Variants in DYM observed in about 807,000 individuals in gnomAD.
The protein encoded by DYM is dymeclin.
DYM carries 78 observed loss-of-function variants against 93.1 expected under a neutral mutation model. The observed-to-expected ratio is 0.84, with a 90% CI of 0.70 to 1.01. The LOEUF is 1.01. Among genes scored for constraint, DYM ranks in the 50% least tolerant of loss-of-function variants. The pLI is 0.00. For synonymous variants in DYM, 321 were observed against 319.7 expected (o/e 1.00, Z -0.04); for missense variants, 789 against 845.0 (o/e 0.93, Z 0.82).
intron 14 of DYM, chr18:49,206,441 CTCTA>C (rs2092509251): frequency 6.6e-6 from 1 of 152,176 alleles, no homozygotes; most frequent in South Asian, 2.1e-4. Context: ...TGGTTTGTCT[CTCTA>C]TATAATGTAG....
intron 8 of DYM, among the ~76,000 whole-genome samples, chr18:49,315,042 C>T (rs1206783555): frequency 6.6e-6 from 1 of 152,054 alleles, no homozygotes; most frequent in Admixed American, 6.5e-5. Context: ...TGGCAAAACC[C>T]AGTCTCTACA....
At chr18:49,054,520 G>A (rs2075304590) in intron 17 of DYM, among the ~76,000 whole-genome samples, 1 of 152,230 alleles carries the variant, frequency 6.6e-6, no homozygotes, top group African/African-American at 2.4e-5. Flanking sequence ...AGGAATTACA[G>A]GCGTGAGCCA....
At position 49,044,126 on chromosome 18, in the gene DYM, C is replaced by T. The variant is rs2071152944; in HGVS notation, c.2104G>A (p.Val702Ile). ...TACAGGCCGACTGCTGAGTTGTAGACAAGAGACCAGACATAGGGGATAAAA... is the reference window on the plus strand; with the variant it reads ...TACAGGCCGACTGCTGAGTTGTAGATAAGAGACCAGACATAGGGGATAAAA... Reference protein sequence around the residue: ...EFFIPYVWSLVYNSAVGLYWN... With the variant: ...EFFIPYVWSLIYNSAVGLYWN... The change falls in exon 18 of 18, where the codon GTC becomes ATC. Residue 702 changes from valine to isoleucine, a missense_variant. Around this residue, in one of 3 missense-constraint regions of DYM, gnomAD observed 114 missense variants for 105.8 expected, o/e 1.08. Transcript: ENST00000675505. 1 of 1,614,056 alleles carries T rather than the reference C, an allele frequency of 6.2e-7. No individual in the cohort carries two copies. The highest frequency in any genetic ancestry group is 1.1e-5 in the South Asian group (1 of 91,092).
intron 15 of DYM, among the ~76,000 whole-genome samples, chr18:49,151,435 T>G (rs781746584): frequency 6.6e-6 from 1 of 152,230 alleles, no homozygotes; most frequent in Non-Finnish European, 1.5e-5. Flanking sequence ...TTGGGGGTCT[T>G]ATTTAGAGAA....
At chr18:49,116,305 A>C (rs565724143) in intron 16 of DYM, 1 of 152,332 alleles carries the variant, frequency 6.6e-6, no homozygotes, top group Admixed American at 6.5e-5. Flanking sequence ...ACTGAGCTAG[A>C]AGCATCTTAA....
At chr18:49,109,895 CA>C (rs2081233316) in intron 16 of DYM, among the ~76,000 whole-genome samples, 1 of 152,198 alleles carries the variant, frequency 6.6e-6, no homozygotes, top group Non-Finnish European at 1.5e-5. Context: ...TCCCAACACA[CA>C]TGTGTCAACT....
At chr18:49,336,260 A>G (rs772787476) in intron 6 of DYM, among the ~76,000 whole-genome samples, 3 of 152,268 alleles carry the variant, frequency 2.0e-5, no homozygotes, top group Non-Finnish European at 4.4e-5. Context: ...ATGACTATTA[A>G]TAATTACTAG....
chr18:49,133,090 T>C (rs1322939476), intron 15 of DYM, among the ~76,000 whole-genome samples: 1 of 152,222 alleles, frequency 6.6e-6, no homozygotes, highest in Admixed American at 6.5e-5. Context: ...AAATAACAAA[T>C]GATTATAATT....
chr18:49,316,846 T>C (rs1244109797), intron 8 of DYM, among the ~76,000 whole-genome samples: 4 of 152,192 alleles, frequency 2.6e-5, no homozygotes, highest in Non-Finnish European at 4.4e-5. Flanking sequence ...TTCCTTCCTT[T>C]AGCTATAGGC....
chr18:49,084,863 C>T (rs1032887250), intron 17 of DYM, among the ~76,000 whole-genome samples: 1 of 152,164 alleles, frequency 6.6e-6, no homozygotes, highest in Non-Finnish European at 1.5e-5. Context: ...TAGAAATATA[C>T]ACGCAGATGG....
chr18:49,411,114 T>G (rs1225317924), intron 2 of DYM, among the ~76,000 whole-genome samples: 1 of 152,162 alleles, frequency 6.6e-6, no homozygotes, highest in African/African-American at 2.4e-5. Flanking sequence ...CAGAGTAACT[T>G]GTCCAATGTC....
intron 13 of DYM, among the ~76,000 whole-genome samples, chr18:49,216,605 C>T (rs935016667): frequency 2.6e-5 from 4 of 152,300 alleles, no homozygotes; most frequent in Middle Eastern, 3.4e-3. Context: ...TGAAAATCCG[C>T]AGTTCTGAAG....
At chr18:49,337,699 A>G (rs113523543) in intron 6 of DYM, among the ~76,000 whole-genome samples, 49 of 152,348 alleles carry the variant, frequency 3.2e-4, no homozygotes, top group African/African-American at 1.0e-3. Context: ...ATAATCAAAC[A>G]TAGAAAAAGA....
intron 6 of DYM, among the ~76,000 whole-genome samples, chr18:49,347,731 G>T (rs1252459527): frequency 6.6e-6 from 1 of 152,132 alleles, no homozygotes; most frequent in Non-Finnish European, 1.5e-5. Context: ...TATTAATTTG[G>T]CTATCTTAAG....
intron 14 of DYM, among the ~76,000 whole-genome samples, chr18:49,178,903 A>G (rs944892890): frequency 6.6e-6 from 1 of 151,998 alleles, no homozygotes; most frequent in Non-Finnish European, 1.5e-5. Context: ...TTAACCATGT[A>G]ACCCCCCCAC....
chr18:49,178,060 C>A (rs949988963), intron 14 of DYM, among the ~76,000 whole-genome samples: 1 of 152,028 alleles, frequency 6.6e-6, no homozygotes, highest in Non-Finnish European at 1.5e-5. Flanking sequence ...AAACCGAAAC[C>A]ACAAAGAGAG....
chr18:49,401,461 T>C (rs1300513991), intron 2 of DYM, among the ~76,000 whole-genome samples: 4 of 152,212 alleles, frequency 2.6e-5, no homozygotes, highest in Non-Finnish European at 5.9e-5. Flanking sequence ...ATGTGGTATT[T>C]TGATACATGT....
rs75869805 is a variant in DYM at position 49,311,155 on chromosome 18, G to A, written c.763+20709C>T. 3.9e-3 allele frequency among the ~76,000 whole-genome samples: 595 copies of A among 152,264 alleles called. 5 individuals carry two copies. The highest frequency in any genetic ancestry group is 0.013 in the African/African-American group (529 of 41,558). On this transcript the variant is annotated intron_variant, in intron 8 of 17. Coordinates refer to ENST00000675505, the MANE Select transcript of DYM (RefSeq NM_001353214.3). ...GTCTAAGCAGAGGGACAACAGGACC[G>A]AAGCCACAGAGGCAGAGAAGCACAA... is the stretch of plus-strand genomic sequence containing the variant.
intron 3 of DYM, among the ~76,000 whole-genome samples, chr18:49,380,041 G>A (rs2067896075): frequency 6.6e-6 from 1 of 151,932 alleles, no homozygotes; most frequent in Non-Finnish European, 1.5e-5. Context: ...ATAGTTAATA[G>A]ACACATTCAA....
Sources: gnomAD v4.1 joint callset for allele counts (sites outside exome capture counted in the v4.1 genomes callset) on GRCh38, gnomAD v4.1.1 for gene constraint, gnomAD v4.1.1 regional missense constraint, MANE v1.5 for transcripts, NCBI Gene and HGNC (gene_info 2026-07-23, HGNC 2026-07-21) for gene names.